SGCZ: variants seen among roughly 807,000 people sequenced by gnomAD.
SGCZ encodes the protein zeta-sarcoglycan.
SGCZ carries 40 observed loss-of-function variants against 41.3 expected under a neutral mutation model. That is an observed-to-expected ratio of 0.97 (90% confidence interval 0.75 to 1.26). SGCZ has a LOEUF of 1.26. SGCZ is among the 50% of genes most tolerant of loss of function. SGCZ has a pLI of 0.00. For missense variants in SGCZ, 552 were observed against 369.8 expected (o/e 1.49, Z -4.04); for synonymous variants, 206 against 137.5 (o/e 1.50, Z -3.49).
intron 2 of SGCZ, among the ~76,000 whole-genome samples, chr8:14,520,011 T>C (rs1422182004): frequency 6.6e-6 from 1 of 152,030 alleles, no homozygotes; most frequent in East Asian, 1.9e-4. Flanking sequence ...TTTTAAAACT[T>C]TTTTTTAAAA....
At chr8:15,204,276 T>A (rs1800990707) in intron 1 of SGCZ, among the ~76,000 whole-genome samples, 1 of 152,136 alleles carries the variant, frequency 6.6e-6, no homozygotes, top group African/African-American at 2.4e-5. Flanking sequence ...AAAGCCAAAG[T>A]CAAATAACAT....
chr8:15,042,415 G>A (rs1585504154), intron 1 of SGCZ, among the ~76,000 whole-genome samples: 3 of 152,302 alleles, frequency 2.0e-5, no homozygotes, highest in East Asian at 3.9e-4. Context: ...TTGGGGAGCT[G>A]CCAAGTCAGC....
chr8:14,901,142 C>T (rs1046919491), intron 1 of SGCZ, among the ~76,000 whole-genome samples: 2 of 152,224 alleles, frequency 1.3e-5, no homozygotes, highest in Non-Finnish European at 2.9e-5. Flanking sequence ...TCTAATTATA[C>T]ATATGGACTG....
intron 4 of SGCZ, among the ~76,000 whole-genome samples, chr8:14,184,994 T>C (rs1228896905): frequency 6.6e-6 from 1 of 152,248 alleles, no homozygotes; most frequent in Non-Finnish European, 1.5e-5. Flanking sequence ...GTAGTAATTT[T>C]GTTTTTTAAT....
At chr8:14,235,504 C>G (rs1806723397) in intron 4 of SGCZ, among the ~76,000 whole-genome samples, 1 of 152,150 alleles carries the variant, frequency 6.6e-6, no homozygotes, top group Non-Finnish European at 1.5e-5. Context: ...ACATTAAAAT[C>G]AGTTTGGAAC....
rs1456069136 is a variant in SGCZ at position 14,090,530 on chromosome 8, G to T, written c.852C>A (p.Cys284Ter). Residue 284 changes from cysteine (C) to a stop codon, truncating the protein, a stop_gained, in exon 8 of 8, where the codon TGC becomes TGA. Transcript: ENST00000382080. LOFTEE classifies it high-confidence loss of function. ...SSSRQTVYEL[C>*]VCPNGKLYLS... ...GGTAAAGTTTGCCATTGGGGCAGAC[G>T]CAGAGTTCATACACTGTCTGTCGAG... 1.9e-6 allele frequency: 3 copies of T among 1,613,022 alleles called. No homozygotes were observed. The highest frequency in any genetic ancestry group is 2.5e-6 in the Non-Finnish European group (3 of 1,179,376).
intron 2 of SGCZ, among the ~76,000 whole-genome samples, chr8:14,457,072 T>C (rs913890121): frequency 4.6e-5 from 7 of 152,158 alleles, no homozygotes; most frequent in Non-Finnish European, 7.4e-5. Context: ...TCCAGTATAA[T>C]AAAATATAAA....
intron 1 of SGCZ, among the ~76,000 whole-genome samples, chr8:14,937,465 T>A (rs946409312): frequency 6.6e-6 from 1 of 151,998 alleles, no homozygotes; most frequent in Non-Finnish European, 1.5e-5. Context: ...TCCAATGCCT[T>A]CATAAGAAAC....
intron 1 of SGCZ, among the ~76,000 whole-genome samples, chr8:15,137,208 T>C (rs898702266): frequency 1.3e-5 from 2 of 152,204 alleles, no homozygotes; most frequent in Admixed American, 1.3e-4. Flanking sequence ...GCCCCTGCCC[T>C]AGATATCTAT....
At chr8:14,364,045 T>C (rs533277708) in intron 2 of SGCZ, among the ~76,000 whole-genome samples, 1 of 152,296 alleles carries the variant, frequency 6.6e-6, no homozygotes, top group Admixed American at 6.5e-5. Context: ...TAATCTCTAA[T>C]TATTTTCCTC....
Position 14,882,636 on chromosome 8 carries a change from T to C in SGCZ, c.40-327710A>G, listed in dbSNP as rs914008960. 4.6e-5 allele frequency among the ~76,000 whole-genome samples: 7 copies of C among 152,140 alleles called. 1 individual carries two copies. In the South Asian group the frequency reaches 1.2e-3, roughly 27 times the overall value. On this transcript the variant is annotated intron_variant, in intron 1 of 7. Coordinates refer to ENST00000382080, the MANE Select transcript of SGCZ (RefSeq NM_139167.4). Reference sequence around the variant, plus strand: ...TCAGATAGCAATTCTGCCACTCCAGTTTATTGTCCACCACCTATATTTCTT... The same window carrying C: ...TCAGATAGCAATTCTGCCACTCCAGCTTATTGTCCACCACCTATATTTCTT...
intron 1 of SGCZ, among the ~76,000 whole-genome samples, chr8:14,813,561 A>C (rs912523869): frequency 2.0e-5 from 3 of 152,242 alleles, no homozygotes; most frequent in Non-Finnish European, 2.9e-5. Flanking sequence ...TTTTGGACTG[A>C]GAAAATCTTG....
chr8:14,099,725 C>CAA (rs147404301), intron 7 of SGCZ, among the ~76,000 whole-genome samples: 3 of 149,738 alleles, frequency 2.0e-5, no homozygotes, highest in Admixed American at 6.7e-5. Flanking sequence ...GACTCTGTCT[C>CAA]AAAAAAAAAT....
At chr8:14,250,745 C>T (rs1196249488) in intron 3 of SGCZ, among the ~76,000 whole-genome samples, 2 of 152,160 alleles carry the variant, frequency 1.3e-5, no homozygotes, top group African/African-American at 2.4e-5. Flanking sequence ...ACAGCCCTTG[C>T]TCTCCTCTGT....
At chr8:14,358,867 C>G (rs1803398551) in intron 2 of SGCZ, among the ~76,000 whole-genome samples, 1 of 152,040 alleles carries the variant, frequency 6.6e-6, no homozygotes, top group Non-Finnish European at 1.5e-5. Context: ...CCTCAGCCTC[C>G]CAAAGTGCTA....
chr8:14,988,605 T>G (rs1417455712), intron 1 of SGCZ, among the ~76,000 whole-genome samples: 2 of 152,140 alleles, frequency 1.3e-5, no homozygotes, highest in Non-Finnish European at 2.9e-5. Flanking sequence ...GCTATGCCTT[T>G]TTCTTAACAT....
In SGCZ at chr8:14,183,832, A is replaced by G. The variant is rs115645350; in HGVS notation, c.425-19130T>C. Among the ~76,000 whole-genome samples, 617 of 152,304 alleles carry G rather than the reference A, an allele frequency of 4.1e-3. 1 individual carries two copies. Among genetic ancestry groups the G allele is most frequent in the African/African-American group, 0.015 (609 of 41,590 alleles). On this transcript the variant is annotated intron_variant, in intron 4 of 7. Coordinates refer to ENST00000382080, the MANE Select transcript of SGCZ (RefSeq NM_139167.4). ...AGGTCCTAACCAGAGGAATAAAACT[A>G]GAATGGAATAAAAGTATTGAATATG...
At chr8:14,663,420 T>C (rs980664372) in intron 1 of SGCZ, among the ~76,000 whole-genome samples, 2 of 152,194 alleles carry the variant, frequency 1.3e-5, no homozygotes, top group Admixed American at 1.3e-4. Flanking sequence ...TGCAACTAAT[T>C]ATGTCCAGGT....
At chr8:14,508,070 T>C (rs2117068019) in intron 2 of SGCZ, among the ~76,000 whole-genome samples, 1 of 149,990 alleles carries the variant, frequency 6.7e-6, no homozygotes, top group African/African-American at 2.5e-5. Context: ...TGCATGCAGC[T>C]CACATTACTT....
Sources: allele counts gnomAD v4.1 joint callset (sites outside exome capture counted in the v4.1 genomes callset), GRCh38; gene constraint gnomAD v4.1.1; transcripts MANE v1.5; gene names NCBI Gene and HGNC (gene_info 2026-07-23, HGNC 2026-07-21).